The following MAP3K2 variants were observed in gnomAD, a reference collection of about 807,000 sequenced individuals.
The protein encoded by MAP3K2 is MAP/ERK kinase kinase 2.
A neutral mutation model predicts 80.3 loss-of-function variants in MAP3K2; 24 were observed. The ratio of observed to expected loss-of-function variants is 0.30; its 90% CI spans 0.22 to 0.42. The LOEUF is 0.42. Ranked by LOEUF, MAP3K2 falls within the 10% of genes least tolerant of loss-of-function variation. The pLI is 1.00. For missense variants in MAP3K2, 608 were observed against 750.1 expected (o/e 0.81, Z 2.21); for synonymous variants, 244 against 253.7 (o/e 0.96, Z 0.36).
chr2:127,372,136 C>T lies in MAP3K2; in HGVS notation c.-66+15316G>A, dbSNP rs917760600. Reference sequence around the variant, plus strand: ...GCCTCTGGGAACAGTGGGATTAGTCCTAGGGCAATCTAGCCTATCCAGTAA... The same window carrying T: ...GCCTCTGGGAACAGTGGGATTAGTCTTAGGGCAATCTAGCCTATCCAGTAA... On this transcript the variant is annotated intron_variant, in intron 1 of 16. Transcript: ENST00000682094. 5.3e-5 allele frequency among the ~76,000 whole-genome samples: 8 copies of T among 152,180 alleles called. 1 individual carries two copies. The highest frequency in any genetic ancestry group is 1.3e-4 in the Admixed American group (2 of 15,282).
At chr2:127,375,908 GA>G (rs112212109) in intron 1 of MAP3K2, among the ~76,000 whole-genome samples, 2,293 of 146,000 alleles carry the variant, frequency 0.016, 50 homozygotes, top group African/African-American at 0.054. Context: ...TCCTTGATTG[GA>G]AAAAAAAAAA....
chr2:127,359,386 T>G (rs1216416678), intron 1 of MAP3K2, among the ~76,000 whole-genome samples: 1 of 152,126 alleles, frequency 6.6e-6, no homozygotes, highest in Non-Finnish European at 1.5e-5. Flanking sequence ...TAAACTTCCC[T>G]CCTTTTCACC....
chr2:127,323,819 A>G (rs1573983844), intron 11 of MAP3K2, 83 bp downstream of exon 11: 1 of 578,062 alleles, frequency 1.7e-6, no homozygotes, highest in South Asian at 3.4e-5. Context: ...TAACACAAAT[A>G]TGAGGTTTTA....
intron 1 of MAP3K2, among the ~76,000 whole-genome samples, chr2:127,359,604 A>C (rs1184644644): frequency 6.6e-6 from 1 of 152,140 alleles, no homozygotes; most frequent in African/African-American, 2.4e-5. Flanking sequence ...TCTCCACCCA[A>C]ATCTCATGTT....
intron 1 of MAP3K2, among the ~76,000 whole-genome samples, chr2:127,384,301 C>T (rs1356482562): frequency 6.6e-6 from 1 of 151,708 alleles, no homozygotes; most frequent in East Asian, 1.9e-4. Context: ...ACTTTATACG[C>T]ACTGTGAAAC....
At chr2:127,336,007 C>T in intron 4 of MAP3K2, 38 bp from the exon 5 acceptor site, 2 of 1,265,182 alleles carry the variant, frequency 1.6e-6, no homozygotes, top group Non-Finnish European at 1.1e-6. Flanking sequence ...TTTTCTTAGG[C>T]AAAGTTAAAT....
At chr2:127,312,075 G>C (rs551261556) in intron 15 of MAP3K2, among the ~76,000 whole-genome samples, 2 of 152,330 alleles carry the variant, frequency 1.3e-5, no homozygotes, top group East Asian at 3.9e-4. Context: ...CTGGGGGACT[G>C]AGGAACAAAA....
Position 127,322,097 on chromosome 2 carries a change from C to T in MAP3K2, c.994G>A (p.Asp332Asn). The change falls in exon 12 of 17, where the codon GAC becomes AAC. Residue 332 changes from aspartate to asparagine, a missense_variant. Transcript: ENST00000682094. This position sits in a 1 kb window ranked among gnomAD's most constrained non-coding sequence, Gnocchi z 4.2. The stretch of plus-strand genomic sequence containing the variant: ...ACGGTCAAAGTAGGATTGTCTATGT[C>T]ACTTCCCCTTCTTCTTATTCGACTA... ...DDSRIRRRGS[D>N]IDNPTLTVMD... is the part of the protein sequence containing the mutation. 2 of 1,613,808 alleles carry T rather than the reference C, an allele frequency of 1.2e-6. No homozygotes were observed. The highest frequency in any genetic ancestry group is 1.7e-6 in the Non-Finnish European group (2 of 1,179,834).
Position 127,326,801 on chromosome 2 carries a change from A to G in MAP3K2, c.483T>C (p.Asp161=), listed in dbSNP as rs191720020. Residue 161 remains aspartate, a synonymous_variant, in exon 8 of 17, where the codon GAT becomes GAC. Coordinates refer to ENST00000682094, the MANE Select transcript of MAP3K2 (RefSeq NM_001371910.2). ...RLSIIGPTSR[D]RSSPPPGYIP... ...TGTAACCTGGGGGAGGAGAACTTCT[A>G]TCTCTACTAGTAGGACCTCAAGGAA... The G allele has an allele frequency of 3.9e-4, 617 of 1,593,804 alleles. 4 individuals carry two copies. The African/African-American group carries it at 5.4e-3, about 14-fold the overall frequency.
intron 7 of MAP3K2, among the ~76,000 whole-genome samples, chr2:127,329,334 T>A (rs1686204781): frequency 6.6e-6 from 1 of 151,732 alleles, no homozygotes; most frequent in Admixed American, 6.6e-5. Context: ...TCTTTTAATT[T>A]TTTTCCTCCA....
chr2:127,307,998 G>A lies in MAP3K2; in HGVS notation c.1635-194C>T, dbSNP rs1381120585. Among the ~76,000 whole-genome samples, 1 of 152,094 alleles carries A rather than the reference G, an allele frequency of 6.6e-6. No individual in the cohort carries two copies. Among genetic ancestry groups the A allele is most frequent in the Non-Finnish European group, 1.5e-5 (1 of 68,008 alleles). ...AAAAATCAATTAAAATAAATTTAAT[G>A]ACTATCACTTAATTCAAACGGTTGG... On this transcript the variant is annotated intron_variant, in intron 16 of 16. Coordinates refer to ENST00000682094, the MANE Select transcript of MAP3K2 (RefSeq NM_001371910.2). This position sits in a 1 kb window ranked among gnomAD's most constrained non-coding sequence, Gnocchi z 5.4.
At chr2:127,312,808 C>G (rs1211699945) in intron 15 of MAP3K2, among the ~76,000 whole-genome samples, 3 of 151,964 alleles carry the variant, frequency 2.0e-5, no homozygotes, top group African/African-American at 7.3e-5. Flanking sequence ...ACTAAAAATA[C>G]AAAATTAGCC....
At chr2:127,317,351 A>G (rs888728454) in intron 14 of MAP3K2, among the ~76,000 whole-genome samples, 6 of 152,226 alleles carry the variant, frequency 3.9e-5, no homozygotes, top group African/African-American at 1.4e-4. Flanking sequence ...TGGTGTGAAT[A>G]TATCAGCTAT....
chr2:127,350,570 T>C (rs553579656), intron 1 of MAP3K2, among the ~76,000 whole-genome samples: 2 of 151,536 alleles, frequency 1.3e-5, no homozygotes, highest in South Asian at 2.1e-4. Context: ...TGTCAACTAA[T>C]GAATGTAATA....
chr2:127,336,663 A>G (rs1218129694), intron 4 of MAP3K2, among the ~76,000 whole-genome samples: 1 of 152,234 alleles, frequency 6.6e-6, no homozygotes, highest in Non-Finnish European at 1.5e-5. Flanking sequence ...AATTGGGAAA[A>G]TATCCAAAAA....
rs191441795 is a variant in MAP3K2 at position 127,378,814 on chromosome 2, C to T, written c.-66+8638G>A. Among the ~76,000 whole-genome samples the T allele has an allele frequency of 3.5e-3, 533 of 152,074 alleles. 3 individuals are homozygous for T. The highest frequency in any genetic ancestry group is 0.012 in the African/African-American group (487 of 41,458). ...TGGGGTCTCACTCTGTTACCCAGACCGGAAAGCAGCGGCATGATCACTCCT... is the reference window on the plus strand; with the variant it reads ...TGGGGTCTCACTCTGTTACCCAGACTGGAAAGCAGCGGCATGATCACTCCT... On this transcript the variant is annotated intron_variant, in intron 1 of 16. Coordinates refer to ENST00000682094, the MANE Select transcript of MAP3K2 (RefSeq NM_001371910.2).
chr2:127,348,078 T>TC (rs1346105833), intron 1 of MAP3K2, among the ~76,000 whole-genome samples: 4 of 152,098 alleles, frequency 2.6e-5, no homozygotes, highest in African/African-American at 9.7e-5. Flanking sequence ...ATGTCCTATA[T>TC]CCATATGATG....
chr2:127,342,388 G>GGTGTGTATGTGT, intron 2 of MAP3K2, among the ~76,000 whole-genome samples: 1 of 147,864 alleles, frequency 6.8e-6, no homozygotes, highest in Non-Finnish European at 1.5e-5. Flanking sequence ...TCTTCATGAG[G>GGTGTGTATGTGT]GTGTGTGTGT....
Position 127,300,258 on chromosome 2 carries a change from A to G in MAP3K2, c.*7321T>C, listed in dbSNP as rs1685565576. 1 of 152,174 alleles carries G rather than the reference A, an allele frequency of 6.6e-6. No individual in the cohort carries two copies. Among genetic ancestry groups the G allele is most frequent in the African/African-American group, 2.4e-5 (1 of 41,462 alleles). The allele number at this position is 152,174 out of a possible 1,614,324, so 9.4% of individuals were successfully genotyped here. A position where few individuals can be genotyped will look rare whatever the true frequency, so the allele number is the denominator to read the frequency against. On this transcript the variant is annotated 3_prime_UTR_variant, in exon 17 of 17. Coordinates refer to ENST00000682094, the MANE Select transcript of MAP3K2 (RefSeq NM_001371910.2). ...ATCAACAATTATTGGTCAGAGTAGT[A>G]AATCAGTGTACAAATTAAACATTTC...
Sources: allele counts gnomAD v4.1 joint callset (sites outside exome capture counted in the v4.1 genomes callset), GRCh38; gene constraint gnomAD v4.1.1; non-coding constraint Gnocchi (gnomAD v3.1); transcripts MANE v1.5; gene names NCBI Gene and HGNC (gene_info 2026-07-23, HGNC 2026-07-21).